The following MCM9 variants were observed in gnomAD, a reference collection of about 807,000 sequenced individuals.
The protein encoded by MCM9 is minichromosome maintenance 9 homologous recombination repair factor, also known as DNA helicase MCM9.
Under a neutral mutation model 72.8 loss-of-function variants are expected in MCM9, and 55 were observed. The observed-to-expected ratio is 0.76, with a 90% CI of 0.61 to 0.95. The LOEUF (loss-of-function observed/expected upper bound fraction) is 0.95, where lower values mean the gene tolerates loss of function less well. Among genes scored for constraint, MCM9 ranks in the 40% least tolerant of loss-of-function variants. MCM9 has a pLI of 0.00. For synonymous variants in MCM9, 480 were observed against 503.4 expected (o/e 0.95, Z 0.62); for missense variants, 1,279 against 1,377.0 (o/e 0.93, Z 1.13).
intron 13 of MCM9, among the ~76,000 whole-genome samples, chr6:118,821,380 T>C (rs1258493131): frequency 6.6e-6 from 1 of 152,218 alleles, no homozygotes; most frequent in Non-Finnish European, 1.5e-5. Context: ...CCTTCACTTA[T>C]GAAGCTTAGT....
intron 8 of MCM9, among the ~76,000 whole-genome samples, chr6:118,877,740 G>A (rs919971936): frequency 1.3e-5 from 2 of 152,140 alleles, no homozygotes; most frequent in African/African-American, 4.8e-5. Flanking sequence ...GAGGGAGATA[G>A]GTAAAAGAGG....
chr6:118,900,794 C>T, intron 8 of MCM9: 17 of 1,613,510 alleles, frequency 1.1e-5, no homozygotes, highest in Middle Eastern at 1.6e-4. Flanking sequence ...TCTATGTGGG[C>T]TCTGCAGAAA....
rs116063933 is a variant in MCM9, at chr6:118,931,540, G to T, written c.184C>A (p.Pro62Thr). 5 of 1,613,898 alleles carry T rather than the reference G, an allele frequency of 3.1e-6. No homozygotes were observed. In the African/African-American group the frequency reaches 6.7e-5, roughly 22 times the overall value. Residue 62 changes from proline to threonine, a missense_variant, in exon 3 of 14, where the codon CCC becomes ACC. Coordinates refer to ENST00000619706, the MANE Select transcript of MCM9 (RefSeq NM_017696.3). ...MEIGEYFNMF[P>T]SEVLTIFDSA... is the part of the protein sequence containing the mutation. ...TCAAAAATTGTAAGCACTTCACTGG[G>T]GAACATGTTGAAATATTCCCCGATT...
At chr6:118,853,457 T>C (rs911665126) in intron 9 of MCM9, among the ~76,000 whole-genome samples, 1 of 152,086 alleles carries the variant, frequency 6.6e-6, no homozygotes, top group East Asian at 1.9e-4. Context: ...TTTTTTTTTT[T>C]GTTAATTTCA....
At chr6:118,842,380 T>C (rs556492107) in intron 9 of MCM9, among the ~76,000 whole-genome samples, 1 of 152,358 alleles carries the variant, frequency 6.6e-6, no homozygotes, top group East Asian at 1.9e-4. Context: ...TATGATTTAT[T>C]TAGCATCCTA....
At chr6:118,838,757 C>T (rs1256760811) in intron 9 of MCM9, among the ~76,000 whole-genome samples, 1 of 152,168 alleles carries the variant, frequency 6.6e-6, no homozygotes, top group Non-Finnish European at 1.5e-5. Context: ...AATATCGGCC[C>T]CCACTCTCTT....
intron 8 of MCM9, among the ~76,000 whole-genome samples, chr6:118,870,283 G>A (rs1158208183): frequency 6.6e-6 from 1 of 152,100 alleles, no homozygotes; most frequent in African/African-American, 2.4e-5. Context: ...TGAGACAACT[G>A]AATTCATATC....
intron 8 of MCM9, among the ~76,000 whole-genome samples, chr6:118,891,911 A>ACC (rs573280423): frequency 1.6e-4 from 25 of 152,216 alleles, no homozygotes; most frequent in African/African-American, 5.8e-4. Flanking sequence ...ATTATGTGGG[A>ACC]CCCCCTTGGG....
chr6:118,863,886 G>A (rs969614345), intron 8 of MCM9, among the ~76,000 whole-genome samples: 4 of 151,598 alleles, frequency 2.6e-5, no homozygotes, highest in African/African-American at 9.7e-5. Context: ...CCCAGTCTTA[G>A]GTATTTAGTT....
chr6:118,893,865 C>G (rs1322753880), intron 8 of MCM9, among the ~76,000 whole-genome samples: 5 of 149,714 alleles, frequency 3.3e-5, no homozygotes, highest in African/African-American at 1.2e-4. Flanking sequence ...AACAAAAAAA[C>G]GCCAAAACAC....
chr6:118,876,036 C>A (rs1777911787), intron 8 of MCM9, among the ~76,000 whole-genome samples: 1 of 151,962 alleles, frequency 6.6e-6, no homozygotes, highest in South Asian at 2.1e-4. Context: ...AATAAAATAT[C>A]ATTCATTGTT....
At chr6:118,835,712 CTT>C (rs1306440132) in intron 9 of MCM9, among the ~76,000 whole-genome samples, 1 of 152,170 alleles carries the variant, frequency 6.6e-6, no homozygotes, top group African/African-American at 2.4e-5. Flanking sequence ...TATCCTGAGA[CTT>C]TGCTAAAGTT....
intron 8 of MCM9, among the ~76,000 whole-genome samples, chr6:118,906,125 C>T (rs1583620675): frequency 1.3e-5 from 2 of 152,088 alleles, no homozygotes; most frequent in Admixed American, 1.3e-4. Flanking sequence ...CAGGCTGGAG[C>T]GCAGTGGCAT....
chr6:118,818,743 A>T (rs1336096099), intron 13 of MCM9, among the ~76,000 whole-genome samples: 2 of 152,104 alleles, frequency 1.3e-5, no homozygotes, highest in Admixed American at 1.3e-4. Context: ...CACAATATTG[A>T]TTCACCCTAT....
At chr6:118,857,834 T>A (rs188976881) in intron 8 of MCM9, among the ~76,000 whole-genome samples, 1 of 152,104 alleles carries the variant, frequency 6.6e-6, no homozygotes, top group East Asian at 1.9e-4. Flanking sequence ...ACTTCCATAA[T>A]CCTTTATTTG....
Position 118,814,768 on chromosome 6 carries a change from T to C in MCM9, c.*56A>G. The stretch of plus-strand genomic sequence containing the variant: ...ATTTATAAATACCATATTGATATCC[T>C]GAAGGTCCTCTGTGGAGTTGAAGAA... On this transcript the variant is annotated 3_prime_UTR_variant, in exon 14 of 14. Transcript: ENST00000619706. The C allele has an allele frequency of 7.0e-7, 1 of 1,430,504 alleles. No homozygotes were observed. The highest frequency in any genetic ancestry group is 9.3e-7 in the Non-Finnish European group (1 of 1,080,164). 88.6% of individuals were successfully genotyped at this position (1,430,504 alleles called of 1,614,324 possible). A position where few individuals can be genotyped will look rare whatever the true frequency, so the allele number is the denominator to read the frequency against.
intron 13 of MCM9, among the ~76,000 whole-genome samples, chr6:118,820,588 T>C (rs901568062): frequency 6.6e-5 from 10 of 152,356 alleles, no homozygotes; most frequent in African/African-American, 2.4e-4. Flanking sequence ...CTGAGAAGAA[T>C]GTATATTCTG....
chr6:118,907,518 T>C (rs779525420), intron 8 of MCM9: 2 of 1,613,674 alleles, frequency 1.2e-6, no homozygotes, highest in African/African-American at 2.7e-5. Context: ...TACAGTCACT[T>C]CTTTCAACAG....
At chr6:118,847,379 AT>A (rs1334052692) in intron 9 of MCM9, among the ~76,000 whole-genome samples, 1 of 149,586 alleles carries the variant, frequency 6.7e-6, no homozygotes, top group East Asian at 2.0e-4. Flanking sequence ...CCATTATGTA[AT>A]ATACCCATGT....
Sources: gnomAD v4.1 joint callset for allele counts (sites outside exome capture counted in the v4.1 genomes callset) on GRCh38, gnomAD v4.1.1 for gene constraint, MANE v1.5 for transcripts, NCBI Gene and HGNC (gene_info 2026-07-23, HGNC 2026-07-21) for gene names.